ST3GAL3: variants seen among roughly 807,000 people sequenced by gnomAD.
ST3GAL3 encodes the protein ST3 beta-galactoside alpha-2,3-sialyltransferase 3.
A neutral mutation model predicts 50.1 loss-of-function variants in ST3GAL3; 21 were observed. The observed-to-expected ratio is 0.42, with a 90% CI of 0.30 to 0.60. The LOEUF (loss-of-function observed/expected upper bound fraction) is 0.60. Ranked by LOEUF, ST3GAL3 falls within the 20% of genes least tolerant of loss-of-function variation. The probability of loss-of-function intolerance (pLI) is 0.19; values close to 1 mark genes in which losing one functional copy is unlikely to be tolerated. For missense variants in ST3GAL3, 353 were observed against 489.4 expected (o/e 0.72, Z 2.63); for synonymous variants, 183 against 190.0 (o/e 0.96, Z 0.30).
chr1:43,896,168 C>T (rs1394446961), intron 6 of ST3GAL3, among the ~76,000 whole-genome samples: 1 of 152,188 alleles, frequency 6.6e-6, no homozygotes, highest in Non-Finnish European at 1.5e-5. Context: ...CCTCCTCTTT[C>T]TCACCATTTA....
At chr1:43,733,503 G>A (rs550821408) in intron 1 of ST3GAL3, among the ~76,000 whole-genome samples, 5 of 152,250 alleles carry the variant, frequency 3.3e-5, no homozygotes, top group African/African-American at 1.2e-4. Flanking sequence ...GTATGTGTGC[G>A]TATATGTATC....
chr1:43,807,509 G>C (rs78276399), intron 3 of ST3GAL3, among the ~76,000 whole-genome samples: 1 of 152,198 alleles, frequency 6.6e-6, no homozygotes, highest in Admixed American at 6.5e-5. Context: ...AAGAGATTGG[G>C]ATTTGTTCTG....
At chr1:43,905,303 CT>C (rs988472015) in intron 9 of ST3GAL3, among the ~76,000 whole-genome samples, 1 of 138,810 alleles carries the variant, frequency 7.2e-6, no homozygotes, top group African/African-American at 2.8e-5. Flanking sequence ...GCTCCTCTTC[CT>C]GCCACTTTTC....
intron 11 of ST3GAL3, among the ~76,000 whole-genome samples, chr1:43,926,305 C>G (rs533587598): frequency 6.6e-6 from 1 of 152,280 alleles, no homozygotes; most frequent in African/African-American, 2.4e-5. Flanking sequence ...AAAAGAGCTT[C>G]TGGCCGGGCG....
At chr1:43,884,471 C>A (rs1262629214) in intron 5 of ST3GAL3, among the ~76,000 whole-genome samples, 1 of 152,200 alleles carries the variant, frequency 6.6e-6, no homozygotes, top group Non-Finnish European at 1.5e-5. Flanking sequence ...CAGGCTCTTC[C>A]TGTGCATGGC....
intron 1 of ST3GAL3, among the ~76,000 whole-genome samples, chr1:43,732,863 G>A (rs1676542379): frequency 6.6e-6 from 1 of 152,022 alleles, no homozygotes; most frequent in Admixed American, 6.6e-5. Context: ...AATTTCAATA[G>A]ATACTTCTAA....
intron 2 of ST3GAL3, among the ~76,000 whole-genome samples, chr1:43,790,229 A>G (rs1558309465): frequency 6.6e-6 from 1 of 152,188 alleles, no homozygotes; most frequent in Non-Finnish European, 1.5e-5. Context: ...CAGTGAATAA[A>G]GCAGATTTGG....
rs561092429 is a variant in ST3GAL3, at chr1:43,881,754, G to A, written c.303-12629G>A. Among the ~76,000 whole-genome samples, 38 of 152,270 alleles carry A rather than the reference G, an allele frequency of 2.5e-4. No individual in the cohort carries two copies. In the South Asian group the frequency reaches 3.3e-3, roughly 13 times the overall value. On this transcript the variant is annotated intron_variant, in intron 5 of 11. Transcript: ENST00000347631. The stretch of plus-strand genomic sequence containing the variant: ...ATGTGGCCACAGTTCCTAGGCAGGC[G>A]GGGTGGGGGCAGTAGCTGGCAGTAT...
intron 2 of ST3GAL3, chr1:43,743,668 G>T: frequency 4.5e-6 from 1 of 222,444 alleles, no homozygotes; most frequent in South Asian, 5.6e-5. Context: ...GGAAGTGGAA[G>T]ATGAAAGTAC....
At chr1:43,911,165 A>G (rs973617598) in intron 9 of ST3GAL3, 3 of 149,804 alleles carry the variant, frequency 2.0e-5, no homozygotes, top group African/African-American at 7.4e-5. Flanking sequence ...TTTTTGAGAC[A>G]GGGTCTTACT....
chr1:43,834,290 T>C (rs2063961299), intron 4 of ST3GAL3, among the ~76,000 whole-genome samples: 1 of 152,220 alleles, frequency 6.6e-6, no homozygotes. Flanking sequence ...AAAAACACTT[T>C]ACCCTGCTTC....
chr1:43,709,142 C>T (rs1414903985), intron 1 of ST3GAL3, among the ~76,000 whole-genome samples: 1 of 152,100 alleles, frequency 6.6e-6, no homozygotes, highest in Non-Finnish European at 1.5e-5. Context: ...AAGAAGTGAG[C>T]AGATGAGAAA....
intron 11 of ST3GAL3, among the ~76,000 whole-genome samples, chr1:43,928,911 AAAAT>A (rs778722236): frequency 4.6e-5 from 7 of 152,256 alleles, no homozygotes; most frequent in African/African-American, 9.6e-5. Context: ...CTCTGTCTCA[AAAAT>A]AAATAAATAG....
intron 1 of ST3GAL3, among the ~76,000 whole-genome samples, chr1:43,734,308 G>T (rs12118210): frequency 0.34 from 37,566 of 111,944 alleles, 6,811 homozygotes; most frequent in East Asian, 0.5. Context: ...TTTTTTTTTT[G>T]TTTTTTTTTT....
At chr1:43,845,890 G>A (rs549269717) in intron 5 of ST3GAL3, among the ~76,000 whole-genome samples, 1 of 151,486 alleles carries the variant, frequency 6.6e-6, no homozygotes, top group Admixed American at 6.6e-5. Context: ...TTTCTACTTC[G>A]GCCTATTAGT....
At chr1:43,720,871 C>T (rs1670077794) in intron 1 of ST3GAL3, among the ~76,000 whole-genome samples, 1 of 152,240 alleles carries the variant, frequency 6.6e-6, no homozygotes, top group South Asian at 2.1e-4. Context: ...AGAAACAACC[C>T]AGATGTCTTG....
At position 43,872,319 on chromosome 1, in the gene ST3GAL3, G is replaced by A. The variant is rs553948910; in HGVS notation, c.303-22064G>A. Among the ~76,000 whole-genome samples, 20 of 140,010 alleles carry A rather than the reference G, an allele frequency of 1.4e-4. No individual in the cohort carries two copies. In the South Asian group the frequency reaches 4.8e-3, roughly 33 times the overall value. 91.9% of individuals were successfully genotyped at this position (140,010 alleles called of 152,430 possible). A position where few individuals can be genotyped will look rare whatever the true frequency, so the allele number is the denominator to read the frequency against. On this transcript the variant is annotated intron_variant, in intron 5 of 11. Coordinates refer to ENST00000347631, the MANE Select transcript of ST3GAL3 (RefSeq NM_006279.5). ...AGGGTGTGTTGGGGAGAGGTGAGAG[G>A]GGGAGTGTTGGGGAAGGGTGTGAGC...
intron 5 of ST3GAL3, among the ~76,000 whole-genome samples, chr1:43,883,462 G>A (rs192110238): frequency 1.3e-5 from 2 of 152,224 alleles, no homozygotes; most frequent in Non-Finnish European, 2.9e-5. Context: ...AGCATGAACT[G>A]AGTGCCTGAA....
At chr1:43,736,162 A>G in intron 1 of ST3GAL3, 71 bp from the exon 2 acceptor site, 1 of 1,377,170 alleles carries the variant, frequency 7.3e-7, no homozygotes, top group South Asian at 1.2e-5. Context: ...CTCTCTATAG[A>G]TACTTTAAGA....
Sources: gnomAD v4.1 joint callset for allele counts (sites outside exome capture counted in the v4.1 genomes callset) on GRCh38, gnomAD v4.1.1 for gene constraint, MANE v1.5 for transcripts, NCBI Gene and HGNC (gene_info 2026-07-23, HGNC 2026-07-21) for gene names.